Variants in MGMT observed in about 807,000 individuals in gnomAD.
MGMT encodes methylated-DNA--protein-cysteine methyltransferase.
In MGMT, 14 loss-of-function variants were observed where a neutral mutation model predicts 15.9. That is an observed-to-expected ratio of 0.88 (90% CI 0.58 to 1.37). The LOEUF is 1.37. Ranked by LOEUF, MGMT falls within the 40% of genes most tolerant of loss-of-function variation. MGMT has a pLI of 0.00. For synonymous variants in MGMT, 130 were observed against 118.2 expected, an observed-to-expected ratio of 1.10 and a Z score of -0.65; for missense variants, 282 against 268.1, an observed-to-expected ratio of 1.05 and a Z score of -0.36.
At chr10:129,596,263 C>T (rs1248254143) in intron 2 of MGMT, among the ~76,000 whole-genome samples, 1 of 152,168 alleles carries the variant, frequency 6.6e-6, no homozygotes, top group Non-Finnish European at 1.5e-5. Flanking sequence ...TCCCAGCCCC[C>T]TCCCCAACTC....
intron 2 of MGMT, among the ~76,000 whole-genome samples, chr10:129,667,972 C>G (rs1321619845): frequency 1.3e-5 from 2 of 152,128 alleles, no homozygotes; most frequent in Non-Finnish European, 2.9e-5. Context: ...TTTCTATGTT[C>G]TAGATATGGA....
chr10:129,635,810 G>C (rs1372569251), intron 2 of MGMT, among the ~76,000 whole-genome samples: 1 of 152,112 alleles, frequency 6.6e-6, no homozygotes, highest in African/African-American at 2.4e-5. Context: ...TGTAAACTGA[G>C]GACCCTCTTA....
chr10:129,674,976 G>C (rs888726549), intron 2 of MGMT, among the ~76,000 whole-genome samples: 3 of 152,210 alleles, frequency 2.0e-5, no homozygotes, highest in Non-Finnish European at 4.4e-5. Flanking sequence ...ATGAGGCATC[G>C]TGGGAGCATT....
chr10:129,597,011 G>C (rs1371923835), intron 2 of MGMT, among the ~76,000 whole-genome samples: 4 of 152,150 alleles, frequency 2.6e-5, no homozygotes, highest in Non-Finnish European at 5.9e-5. Flanking sequence ...GGAGATCTAG[G>C]AGTTTTCCCT....
intron 2 of MGMT, among the ~76,000 whole-genome samples, chr10:129,604,073 T>C (rs913413589): frequency 1.3e-5 from 2 of 152,146 alleles, no homozygotes; most frequent in African/African-American, 2.4e-5. Context: ...TAGCTTGATA[T>C]TTGTTTTCTA....
rs1019811296 is a variant in MGMT, at chr10:129,687,786, G to T, written c.126-20109G>T. ...GTATGTATACATGTGCCATGTTGGT[G>T]TGCTGCACCCATTAACTCATCACTT... On this transcript the variant is annotated intron_variant, in intron 2 of 4. Transcript: ENST00000651593. 5.3e-5 allele frequency among the ~76,000 whole-genome samples: 8 copies of T among 151,242 alleles called. No homozygotes were observed. In the East Asian group the frequency reaches 7.8e-4, roughly 15 times the overall value.
chr10:129,703,644 G>A (rs1333419934), intron 2 of MGMT, among the ~76,000 whole-genome samples: 4 of 151,996 alleles, frequency 2.6e-5, no homozygotes, highest in Non-Finnish European at 5.9e-5. Context: ...CCACTGAAAC[G>A]GCAGCCCCTG....
intron 2 of MGMT, among the ~76,000 whole-genome samples, chr10:129,550,962 G>A (rs995182541): frequency 3.9e-5 from 6 of 152,278 alleles, no homozygotes; most frequent in African/African-American, 1.4e-4. Flanking sequence ...GTTTCGGCCT[G>A]GAGGGCAGGT....
At chr10:129,553,484 C>G (rs192665946) in intron 2 of MGMT, among the ~76,000 whole-genome samples, 1 of 152,168 alleles carries the variant, frequency 6.6e-6, no homozygotes, top group Admixed American at 6.5e-5. Context: ...CGCATGTGAA[C>G]CTGTGGGCCC....
At chr10:129,583,985 C>T (rs967084706) in intron 2 of MGMT, among the ~76,000 whole-genome samples, 7 of 152,126 alleles carry the variant, frequency 4.6e-5, no homozygotes, top group Non-Finnish European at 7.3e-5. Flanking sequence ...GCTGCTCCAC[C>T]GTGCACCGAA....
chr10:129,562,213 C>G (rs1263844653), intron 2 of MGMT, among the ~76,000 whole-genome samples: 1 of 152,206 alleles, frequency 6.6e-6, no homozygotes, highest in Non-Finnish European at 1.5e-5. Flanking sequence ...CTTCTGAACC[C>G]TATAGCTTAA....
chr10:129,607,229 G>A (rs536712852), intron 2 of MGMT, among the ~76,000 whole-genome samples: 15 of 152,124 alleles, frequency 9.9e-5, no homozygotes, highest in Admixed American at 7.9e-4. Context: ...GAAGGAAGAG[G>A]GCAGTCATTT....
intron 2 of MGMT, among the ~76,000 whole-genome samples, chr10:129,580,852 G>A (rs757558633): frequency 1.6e-4 from 25 of 152,192 alleles, no homozygotes; most frequent in Non-Finnish European, 3.1e-4. Context: ...TGCAAACATC[G>A]TTTGTTGAGG....
intron 2 of MGMT, among the ~76,000 whole-genome samples, chr10:129,542,945 G>A (rs1846059669): frequency 6.6e-6 from 1 of 152,174 alleles, no homozygotes; most frequent in Admixed American, 6.5e-5. Context: ...AACACAAATT[G>A]TGCATATACT....
intron 2 of MGMT, among the ~76,000 whole-genome samples, chr10:129,560,954 AGTGTGTGTGTGTGTGTGTGT>A (rs57984603): frequency 5.3e-5 from 7 of 133,320 alleles, no homozygotes; most frequent in African/African-American, 1.9e-4. Flanking sequence ...AGTAAAGAGC[AGTGTGTGTGTGTGTGTGTGT>A]GTGTGTGTGT....
intron 2 of MGMT, among the ~76,000 whole-genome samples, chr10:129,690,249 C>CT (rs1456141785): frequency 6.6e-6 from 1 of 152,120 alleles, no homozygotes; most frequent in Non-Finnish European, 1.5e-5. Flanking sequence ...ATGAAGAAGT[C>CT]TAGGAGTACA....
intron 2 of MGMT, among the ~76,000 whole-genome samples, chr10:129,554,931 A>G (rs1329516221): frequency 6.6e-6 from 1 of 152,054 alleles, no homozygotes; most frequent in African/African-American, 2.4e-5. Flanking sequence ...AAATCACTTC[A>G]CTCCATGCCT....
chr10:129,756,461 T>G (rs989951487), intron 3 of MGMT, among the ~76,000 whole-genome samples: 3 of 151,644 alleles, frequency 2.0e-5, no homozygotes, highest in African/African-American at 4.8e-5. Context: ...GCTGCTGGGG[T>G]TTTTTTTGTT....
intron 2 of MGMT, among the ~76,000 whole-genome samples, chr10:129,699,239 A>T (rs1039307470): frequency 3.3e-5 from 5 of 152,196 alleles, no homozygotes; most frequent in Admixed American, 6.5e-5. Context: ...GTTGTCTTTT[A>T]AAAATATTTT....
Sources: gnomAD v4.1 joint callset for allele counts (sites outside exome capture counted in the v4.1 genomes callset) on GRCh38, gnomAD v4.1.1 for gene constraint, MANE v1.5 for transcripts, NCBI Gene and HGNC (gene_info 2026-07-23, HGNC 2026-07-21) for gene names.